KCNMA1: variants seen among roughly 807,000 people sequenced by gnomAD.
The protein encoded by KCNMA1 is potassium calcium-activated channel subfamily M alpha 1, also known as Calcium-activated potassium channel subunit alpha-1.
KCNMA1 carries 29 observed loss-of-function variants against 140.0 expected under a neutral mutation model. The ratio of observed to expected loss-of-function variants is 0.21; its 90% CI spans 0.15 to 0.28. KCNMA1 has a LOEUF of 0.28. Ranked by LOEUF, KCNMA1 falls within the 10% of genes least tolerant of loss-of-function variation. KCNMA1 has a pLI of 1.00. For missense variants in KCNMA1, 880 were observed against 1,602.2 expected (o/e 0.55, Z 7.70); for synonymous variants, 612 against 611.9 (o/e 1.00, Z 0.00).
At chr10:76,978,721 G>T (rs2078461933) in intron 19 of KCNMA1, 1 of 152,068 alleles carries the variant, frequency 6.6e-6, no homozygotes, top group Admixed American at 6.6e-5. Flanking sequence ...CCCCCGATGT[G>T]TATCAAGAAA....
At chr10:77,157,896 C>T (rs1340588076) in intron 5 of KCNMA1, among the ~76,000 whole-genome samples, 5 of 152,190 alleles carry the variant, frequency 3.3e-5, no homozygotes, top group African/African-American at 4.8e-5. Flanking sequence ...AACACCCTGA[C>T]AAGGTCCTCC....
At chr10:77,064,098 C>A in intron 14 of KCNMA1, 1 of 985,384 alleles carries the variant, frequency 1.0e-6, no homozygotes, top group Non-Finnish European at 1.2e-6. Context: ...TCTCTTTGTT[C>A]AGTCCATGCC....
intron 3 of KCNMA1, among the ~76,000 whole-genome samples, chr10:77,202,159 TC>T (rs2042692554): frequency 6.6e-6 from 1 of 152,242 alleles, no homozygotes; most frequent in African/African-American, 2.4e-5. Context: ...AAACATTTAC[TC>T]AGCACCTGTT....
chr10:76,944,984 A>AC lies in KCNMA1; in HGVS notation c.2710-20_2710-19insG, dbSNP rs1468169571. 1.2e-6 allele frequency: 2 copies of AC among 1,600,510 alleles called. No homozygotes were observed. Among genetic ancestry groups the AC allele is most frequent in the African/African-American group, 2.8e-5 (2 of 71,782 alleles). On this transcript the variant is annotated intron_variant, in intron 22 of 27. Transcript: ENST00000286628. The stretch of plus-strand genomic sequence containing the variant: ...GCGTACCCTTTGGCATAGAGGAAAG[A>AC]AAAAAAAACAGAGATGGGGGGAGAA...
chr10:76,964,257 CATCT>C (rs965837554), intron 20 of KCNMA1, among the ~76,000 whole-genome samples: 11 of 152,104 alleles, frequency 7.2e-5, no homozygotes, highest in Non-Finnish European at 1.2e-4. Context: ...AATTTCTCTG[CATCT>C]ATCTACTTGC....
At chr10:77,005,982 C>T (rs866109910) in intron 18 of KCNMA1, among the ~76,000 whole-genome samples, 1 of 152,190 alleles carries the variant, frequency 6.6e-6, no homozygotes, top group Non-Finnish European at 1.5e-5. Flanking sequence ...AGCTCAGTTA[C>T]TGCTCTTTCC....
At position 76,928,276 on chromosome 10, in the gene KCNMA1, C is replaced by T. The variant is rs183842818; in HGVS notation, c.2903-13227G>A. On this transcript the variant is annotated intron_variant, in intron 23 of 27. Transcript: ENST00000286628. Reference sequence around the variant, plus strand: ...AAATACACACACACACACACACACACGAACACGCGCGCGCACACACACACA... The same window carrying T: ...AAATACACACACACACACACACACATGAACACGCGCGCGCACACACACACA... Among the ~76,000 whole-genome samples the T allele has an allele frequency of 8.3e-5, 11 of 132,016 alleles. No homozygotes were observed. In the South Asian group the frequency reaches 1.4e-3, roughly 16 times the overall value. The allele number at this position is 132,016 out of a possible 152,430, so 86.6% of individuals were successfully genotyped here. A position where few individuals can be genotyped will look rare whatever the true frequency, so the allele number is the denominator to read the frequency against.
intron 21 of KCNMA1, among the ~76,000 whole-genome samples, chr10:76,950,053 G>C (rs2065672459): frequency 6.6e-6 from 1 of 152,080 alleles, no homozygotes; most frequent in South Asian, 2.1e-4. Flanking sequence ...ATTACATAAA[G>C]TTCAAATTCC....
At chr10:77,479,211 T>G (rs747129238) in intron 1 of KCNMA1, among the ~76,000 whole-genome samples, 2 of 152,198 alleles carry the variant, frequency 1.3e-5, no homozygotes, top group Non-Finnish European at 2.9e-5. Flanking sequence ...TTGCTGGGAT[T>G]TGGAAAGAGA....
chr10:77,226,612 C>T (rs1255918507), intron 3 of KCNMA1, among the ~76,000 whole-genome samples: 2 of 152,088 alleles, frequency 1.3e-5, no homozygotes, highest in African/African-American at 4.8e-5. Flanking sequence ...TCATGGATAG[C>T]CTGTCGAAAA....
At chr10:76,891,143 C>A (rs754221248) in intron 26 of KCNMA1, among the ~76,000 whole-genome samples, 1 of 152,230 alleles carries the variant, frequency 6.6e-6, no homozygotes, top group Non-Finnish European at 1.5e-5. Flanking sequence ...ATGCTGGCAT[C>A]ACCTGCTGCT....
chr10:77,172,875 T>C lies in KCNMA1; in HGVS notation c.808+10546A>G, dbSNP rs372119433. On this transcript the variant is annotated intron_variant, in intron 5 of 27. Transcript: ENST00000286628. ...GATTCAGCATCTGGGGAGGGTTTTT[T>C]CTCTGCTCCATAGATGGCACTTTCT... Among the ~76,000 whole-genome samples, 164 of 152,196 alleles carry C rather than the reference T, an allele frequency of 1.1e-3. 4 individuals are homozygous for C. In the South Asian group the frequency reaches 0.032, roughly 30 times the overall value.
chr10:77,090,545 A>G (rs748640462), intron 9 of KCNMA1, 35 bp from the exon 10 acceptor site: 2 of 1,399,410 alleles, frequency 1.4e-6, no homozygotes, highest in Non-Finnish European at 2.0e-6. Flanking sequence ...CAGGCCAGGC[A>G]CCACGACAGG....
At chr10:76,950,664 T>A (rs1379294922) in intron 21 of KCNMA1, among the ~76,000 whole-genome samples, 1 of 152,216 alleles carries the variant, frequency 6.6e-6, no homozygotes, top group African/African-American at 2.4e-5. Flanking sequence ...CTTGATTTAA[T>A]CTCTAGAATT....
chr10:77,280,231 T>C (rs751683239), intron 2 of KCNMA1, among the ~76,000 whole-genome samples: 2 of 152,172 alleles, frequency 1.3e-5, no homozygotes, highest in Admixed American at 6.5e-5. Context: ...CAGGGGAAAA[T>C]GAAGTATGCT....
intron 21 of KCNMA1, chr10:76,951,939 A>T: frequency 8.5e-7 from 1 of 1,178,306 alleles, no homozygotes; most frequent in Non-Finnish European, 1.2e-6. Flanking sequence ...CAGGGATTGC[A>T]TCTCCAGTAA....
intron 19 of KCNMA1, among the ~76,000 whole-genome samples, chr10:76,971,557 T>A (rs1265642233): frequency 6.6e-6 from 1 of 152,126 alleles, no homozygotes; most frequent in Non-Finnish European, 1.5e-5. Context: ...GGAATGACTG[T>A]GGTGTAAGGT....
At position 77,187,488 on chromosome 10, in the gene KCNMA1, C is replaced by CA. The variant is rs1346686746; in HGVS notation, c.603-2573dup. Among the ~76,000 whole-genome samples the CA allele has an allele frequency of 2.0e-5, 3 of 152,186 alleles. No homozygotes were observed. In the East Asian group the frequency reaches 5.8e-4, roughly 29 times the overall value. On this transcript the variant is annotated intron_variant, in intron 3 of 27. Coordinates refer to ENST00000286628, the MANE Select transcript of KCNMA1 (RefSeq NM_001161352.2). ...ACCTTTTCCTTTTCTCTAATCCTTT[C>CA]AAAAAATTTAGAACCGATTTCATCA... is the stretch of plus-strand genomic sequence containing the variant.
intron 1 of KCNMA1, among the ~76,000 whole-genome samples, chr10:77,540,269 G>T (rs1485975461): frequency 6.6e-6 from 1 of 152,172 alleles, no homozygotes; most frequent in Non-Finnish European, 1.5e-5. Context: ...GCAAAGCTGG[G>T]GTGTTTTAAA....
Sources: gnomAD v4.1 joint callset for allele counts (sites outside exome capture counted in the v4.1 genomes callset) on GRCh38, gnomAD v4.1.1 for gene constraint, MANE v1.5 for transcripts, NCBI Gene and HGNC (gene_info 2026-07-23, HGNC 2026-07-21) for gene names.